The following CSMD1 variants were observed in gnomAD, a reference collection of about 807,000 sequenced individuals.
CSMD1 encodes CUB and sushi domain-containing protein 1.
A neutral mutation model predicts 417.5 loss-of-function variants in CSMD1; 213 were observed. The ratio of observed to expected loss-of-function variants is 0.51; its 90% CI spans 0.46 to 0.57. The LOEUF (loss-of-function observed/expected upper bound fraction) is 0.57. Ranked by LOEUF, CSMD1 falls within the 20% of genes least tolerant of loss-of-function variation. The pLI is 0.00. For synonymous variants in CSMD1, 2,862 were observed against 1,736.8 expected, an observed-to-expected ratio of 1.65 and a Z score of -16.11; for missense variants, 6,923 against 4,529.7, an observed-to-expected ratio of 1.53 and a Z score of -15.17.
chr8:3,319,036 C>T (rs1030939988), intron 23 of CSMD1, among the ~76,000 whole-genome samples: 11 of 152,184 alleles, frequency 7.2e-5, no homozygotes, highest in Admixed American at 2.6e-4. Flanking sequence ...CACTCCCTTA[C>T]ACAGAATGGA....
At position 4,391,506 on chromosome 8, in the gene CSMD1, G is replaced by T. The variant is rs779092902; in HGVS notation, c.415+28447C>A. 2.0e-5 allele frequency among the ~76,000 whole-genome samples: 3 copies of T among 152,116 alleles called. No individual in the cohort carries two copies. The South Asian group carries it at 6.2e-4, about 32-fold the overall frequency. On this transcript the variant is annotated intron_variant, in intron 3 of 69. Transcript: ENST00000635120. Reference sequence around the variant, plus strand: ...TGACCCACACCCTCTGCTGTGACCAGTGCAGGAGACCAAGCCACAACCACT... The same window carrying T: ...TGACCCACACCCTCTGCTGTGACCATTGCAGGAGACCAAGCCACAACCACT...
intron 3 of CSMD1, among the ~76,000 whole-genome samples, chr8:4,340,616 G>GC (rs1563072581): frequency 6.6e-6 from 1 of 152,052 alleles, no homozygotes; most frequent in African/African-American, 2.4e-5. Flanking sequence ...GCTTGGCTGC[G>GC]CCTCCTCTGC....
At chr8:3,343,556 C>T in intron 22 of CSMD1, 106 bp from the exon 23 acceptor site, 3 of 912,634 alleles carry the variant, frequency 3.3e-6, no homozygotes, top group South Asian at 1.9e-5. Context: ...TTAAACAATA[C>T]TTAAAAAGGC....
chr8:3,798,221 G>A (rs1043015809), intron 5 of CSMD1, among the ~76,000 whole-genome samples: 3 of 151,948 alleles, frequency 2.0e-5, no homozygotes, highest in African/African-American at 7.2e-5. Context: ...TGTATGAAAT[G>A]AGCTGTAGCT....
intron 1 of CSMD1, among the ~76,000 whole-genome samples, chr8:4,726,433 T>C (rs1443524035): frequency 2.0e-5 from 3 of 152,212 alleles, no homozygotes; most frequent in African/African-American, 4.8e-5. Context: ...GAATTTGTTT[T>C]TAATACTCCA....
intron 1 of CSMD1, among the ~76,000 whole-genome samples, chr8:4,782,665 A>G (rs985027565): frequency 6.6e-6 from 1 of 152,162 alleles, no homozygotes; most frequent in African/African-American, 2.4e-5. Flanking sequence ...ATATAGCTCT[A>G]CTGTGACTCA....
chr8:3,509,103 T>A (rs994814182), intron 10 of CSMD1, among the ~76,000 whole-genome samples: 2 of 152,164 alleles, frequency 1.3e-5, no homozygotes, highest in African/African-American at 2.4e-5. Context: ...AATTAATGCG[T>A]GCTCAGTAGG....
chr8:4,862,208 G>A (rs941404467), intron 1 of CSMD1, among the ~76,000 whole-genome samples: 1 of 151,980 alleles, frequency 6.6e-6, no homozygotes, highest in Non-Finnish European at 1.5e-5. Context: ...ACGAGGCCTG[G>A]GGGGCTTGAA....
At chr8:3,753,551 T>G (rs1797476315) in intron 6 of CSMD1, among the ~76,000 whole-genome samples, 1 of 152,218 alleles carries the variant, frequency 6.6e-6, no homozygotes, top group Non-Finnish European at 1.5e-5. Context: ...ATTACAATAC[T>G]TTTTGTGCAT....
intron 1 of CSMD1, among the ~76,000 whole-genome samples, chr8:4,820,770 T>C (rs1799478832): frequency 1.3e-5 from 2 of 152,312 alleles, no homozygotes; most frequent in South Asian, 2.1e-4. Flanking sequence ...TTCCTGTTTT[T>C]CCCACCTTAT....
intron 3 of CSMD1, among the ~76,000 whole-genome samples, chr8:4,038,087 G>A (rs940081236): frequency 2.6e-5 from 4 of 152,014 alleles, no homozygotes; most frequent in African/African-American, 9.7e-5. Flanking sequence ...AAATAACTCA[G>A]CAAATGGGAA....
chr8:4,227,425 C>A (rs556949806), intron 3 of CSMD1, among the ~76,000 whole-genome samples: 1 of 152,042 alleles, frequency 6.6e-6, no homozygotes, highest in African/African-American at 2.4e-5. Flanking sequence ...TTATAAGAAC[C>A]CTATGGTCAA....
chr8:3,886,009 A>G (rs1269195201), intron 5 of CSMD1, among the ~76,000 whole-genome samples: 4 of 151,974 alleles, frequency 2.6e-5, no homozygotes, highest in Non-Finnish European at 5.9e-5. Flanking sequence ...GTACATATAT[A>G]TGTGTACATA....
At chr8:3,732,204 G>T (rs781223239) in intron 6 of CSMD1, among the ~76,000 whole-genome samples, 26 of 152,182 alleles carry the variant, frequency 1.7e-4, no homozygotes, top group Non-Finnish European at 2.9e-4. Context: ...TTTCCGAGAG[G>T]ACTCTATCAA....
chr8:4,943,842 G>A (rs990113775), intron 1 of CSMD1, among the ~76,000 whole-genome samples: 1 of 152,084 alleles, frequency 6.6e-6, no homozygotes, highest in Non-Finnish European at 1.5e-5. Flanking sequence ...AGAACAAATC[G>A]AAGCCAAGAT....
At chr8:4,177,714 T>C (rs1798130268) in intron 3 of CSMD1, among the ~76,000 whole-genome samples, 1 of 146,768 alleles carries the variant, frequency 6.8e-6, no homozygotes, top group Non-Finnish European at 1.5e-5. Context: ...GAGACAAGAA[T>C]CAAATAGATG....
chr8:3,468,543 C>T (rs895067799), intron 12 of CSMD1, among the ~76,000 whole-genome samples, 169 bp downstream of exon 12: 20 of 152,170 alleles, frequency 1.3e-4, no homozygotes, highest in African/African-American at 4.8e-4. Flanking sequence ...TAAACATTCT[C>T]ATTCACGAAA....
intron 2 of CSMD1, among the ~76,000 whole-genome samples, chr8:4,592,686 C>T (rs1800052997): frequency 6.6e-6 from 1 of 152,138 alleles, no homozygotes; most frequent in Non-Finnish European, 1.5e-5. Context: ...TGTACCCGGC[C>T]TCTTTTCCTT....
At position 4,757,979 on chromosome 8, in the gene CSMD1, A is replaced by G. The variant is rs909053380; in HGVS notation, c.86-120421T>C. 9.9e-4 allele frequency among the ~76,000 whole-genome samples: 150 copies of G among 151,386 alleles called. 3 individuals carry two copies. The highest frequency in any genetic ancestry group is 3.4e-3 in the African/African-American group (142 of 41,308). Reference sequence around the variant, plus strand: ...TGTCTCAAAAAAAAAAAAAAAAAAAAAGGAAAAGAGAAGAAAGCACCACAT... The same window carrying G: ...TGTCTCAAAAAAAAAAAAAAAAAAAGAGGAAAAGAGAAGAAAGCACCACAT... On this transcript the variant is annotated intron_variant, in intron 1 of 69. Transcript: ENST00000635120.
Sources: gnomAD v4.1 joint callset for allele counts (sites outside exome capture counted in the v4.1 genomes callset) on GRCh38, gnomAD v4.1.1 for gene constraint, MANE v1.5 for transcripts, NCBI Gene and HGNC (gene_info 2026-07-23, HGNC 2026-07-21) for gene names.